RELN: variants seen among roughly 807,000 people sequenced by gnomAD.
The protein encoded by RELN is reelin.
RELN carries 108 observed loss-of-function variants against 427.6 expected under a neutral mutation model. That is an observed-to-expected ratio of 0.25 (90% CI 0.22 to 0.30). The LOEUF (loss-of-function observed/expected upper bound fraction) is 0.30, where lower values mean the gene tolerates loss of function less well. Among genes scored for constraint, RELN ranks in the 10% least tolerant of loss-of-function variants. The probability of loss-of-function intolerance (pLI) is 1.00; values close to 1 mark genes in which losing one functional copy is unlikely to be tolerated. For missense variants in RELN, 3,715 were observed against 4,302.8 expected, an observed-to-expected ratio of 0.86 and a Z score of 3.82; for synonymous variants, 1,524 against 1,513.4, an observed-to-expected ratio of 1.01 and a Z score of -0.16.
At chr7:103,497,334 C>T (rs1300694830) in intron 55 of RELN, among the ~76,000 whole-genome samples, 2 of 152,154 alleles carry the variant, frequency 1.3e-5, no homozygotes, top group African/African-American at 4.8e-5. Context: ...TATTACTGGT[C>T]TGGTTTTAGC....
Position 103,946,293 on chromosome 7 carries a change from C to G in RELN, c.227-29108G>C, listed in dbSNP as rs186476364. Among the ~76,000 whole-genome samples, 461 of 152,156 alleles carry G rather than the reference C, an allele frequency of 3.0e-3. 2 individuals carry two copies. Among genetic ancestry groups the G allele is most frequent in the Non-Finnish European group, 5.4e-3 (368 of 68,002 alleles). On this transcript the variant is annotated intron_variant, in intron 1 of 64. Transcript: ENST00000428762. ...CTTATTAAAACTATGCAAACTTAAC[C>G]TCAACTACAACTTTTTAAGATAACT...
chr7:103,541,378 A>G (rs1279651221), intron 43 of RELN, among the ~76,000 whole-genome samples: 1 of 152,250 alleles, frequency 6.6e-6, no homozygotes, highest in Non-Finnish European at 1.5e-5. Context: ...CATAGGAAAT[A>G]TATTAAGATG....
chr7:103,635,757 G>A (rs1832566066), intron 18 of RELN, among the ~76,000 whole-genome samples, 171 bp from the exon 19 acceptor site: 1 of 151,762 alleles, frequency 6.6e-6, no homozygotes, highest in African/African-American at 2.4e-5. Context: ...TGTACATGTT[G>A]ATATACATAT....
intron 1 of RELN, among the ~76,000 whole-genome samples, chr7:103,975,994 G>C (rs1397268054): frequency 2.0e-5 from 3 of 152,136 alleles, no homozygotes; most frequent in African/African-American, 7.2e-5. Context: ...CAAAAGTCCT[G>C]AGGTGGATCT....
At chr7:103,870,937 T>A (rs1794317494) in intron 2 of RELN, among the ~76,000 whole-genome samples, 1 of 152,106 alleles carries the variant, frequency 6.6e-6, no homozygotes, top group Non-Finnish European at 1.5e-5. Context: ...GATCTCTACC[T>A]CTTCATCTCA....
chr7:103,917,250 G>A (rs711443), intron 1 of RELN, 65 bp from the exon 2 acceptor site: 35 of 1,223,240 alleles, frequency 2.9e-5, no homozygotes, highest in Non-Finnish European at 3.3e-5. Flanking sequence ...TATTTCTGAA[G>A]TGTTAGACAT....
chr7:103,549,900 C>T (rs1183453665), intron 41 of RELN, among the ~76,000 whole-genome samples: 1 of 152,194 alleles, frequency 6.6e-6, no homozygotes, highest in Non-Finnish European at 1.5e-5. Context: ...AAGACAAGCT[C>T]CCCACAACCA....
intron 20 of RELN, among the ~76,000 whole-genome samples, chr7:103,615,130 G>A (rs1366390827): frequency 6.6e-6 from 1 of 152,148 alleles, no homozygotes; most frequent in African/African-American, 2.4e-5. Flanking sequence ...GGAATCAGGA[G>A]GCTTGGCTTT....
At chr7:103,699,654 T>A (rs1479710012) in intron 9 of RELN, among the ~76,000 whole-genome samples, 3 of 152,136 alleles carry the variant, frequency 2.0e-5, no homozygotes, top group Non-Finnish European at 2.9e-5. Context: ...ATATATAACA[T>A]ACTAGAAAGA....
chr7:103,800,247 C>T (rs868246800), intron 3 of RELN, among the ~76,000 whole-genome samples: 38 of 152,340 alleles, frequency 2.5e-4, no homozygotes, highest in Middle Eastern at 3.4e-3. Flanking sequence ...CCCATCGTCT[C>T]AGCCCAAAAT....
intron 3 of RELN, among the ~76,000 whole-genome samples, chr7:103,792,131 T>C (rs1322830982): frequency 6.6e-6 from 1 of 152,202 alleles, no homozygotes; most frequent in Non-Finnish European, 1.5e-5. Flanking sequence ...AAAAATGGTA[T>C]AGCCACTTTG....
Position 103,728,158 on chromosome 7 carries a change from G to A in RELN, c.706C>T (p.His236Tyr). The A allele has an allele frequency of 6.2e-7, 1 of 1,613,884 alleles. No individual in the cohort carries two copies. The highest frequency in any genetic ancestry group is 8.5e-7 in the Non-Finnish European group (1 of 1,179,890). Reference sequence around the variant, plus strand: ...TCACAGAAGGTGACGGCATTGCCATGCATAATCGCGCCACACTGTTCTCCA... The same window carrying A: ...TCACAGAAGGTGACGGCATTGCCATACATAATCGCGCCACACTGTTCTCCA... Reference protein sequence around the residue: ...ETGEQCGAIMHGNAVTFCEPY... With the variant: ...ETGEQCGAIMYGNAVTFCEPY... The change falls in exon 7 of 65, where the codon CAT becomes TAT. Residue 236 changes from histidine to tyrosine, a missense_variant. Transcript: ENST00000428762.
At chr7:103,539,999 A>G (rs1830141941) in intron 44 of RELN, among the ~76,000 whole-genome samples, 198 bp downstream of exon 44, 1 of 152,218 alleles carries the variant, frequency 6.6e-6, no homozygotes, top group African/African-American at 2.4e-5. Flanking sequence ...TATTTTTATA[A>G]GCTTAGGCAA....
chr7:103,857,633 T>C (rs1793977385), intron 2 of RELN, among the ~76,000 whole-genome samples: 1 of 152,160 alleles, frequency 6.6e-6, no homozygotes, highest in Non-Finnish European at 1.5e-5. Context: ...AGTATGTGGA[T>C]GCTTGTGCCC....
intron 3 of RELN, among the ~76,000 whole-genome samples, 180 bp downstream of exon 3, chr7:103,833,357 A>C (rs1793321278): frequency 6.6e-6 from 1 of 152,182 alleles, no homozygotes; most frequent in Non-Finnish European, 1.5e-5. Context: ...CTATGCAAAA[A>C]TAAACTGCTA....
intron 50 of RELN, among the ~76,000 whole-genome samples, chr7:103,514,523 G>C (rs1214685607): frequency 6.6e-6 from 1 of 152,132 alleles, no homozygotes. Context: ...GCTGGGCATG[G>C]TGTCACATGC....
intron 31 of RELN, among the ~76,000 whole-genome samples, chr7:103,568,226 A>G (rs1352992491): frequency 6.6e-6 from 1 of 152,238 alleles, no homozygotes; most frequent in African/African-American, 2.4e-5. Context: ...CAAAAATATT[A>G]CAATAAAGTG....
At chr7:103,606,155 C>G (rs1407691922) in intron 22 of RELN, among the ~76,000 whole-genome samples, 2 of 152,154 alleles carry the variant, frequency 1.3e-5, no homozygotes, top group Non-Finnish European at 2.9e-5. Context: ...TGAGTTTACT[C>G]TTTTAAGATA....
At chr7:103,922,876 C>G (rs1272237090) in intron 1 of RELN, among the ~76,000 whole-genome samples, 1 of 150,070 alleles carries the variant, frequency 6.7e-6, no homozygotes, top group Admixed American at 6.6e-5. Flanking sequence ...ATACAAAAGA[C>G]CTTTAATATG....
Sources: allele counts gnomAD v4.1 joint callset (sites outside exome capture counted in the v4.1 genomes callset), GRCh38; gene constraint gnomAD v4.1.1; transcripts MANE v1.5; gene names NCBI Gene and HGNC (gene_info 2026-07-23, HGNC 2026-07-21).